The following SLC45A4 variants were observed in gnomAD, a reference collection of about 807,000 sequenced individuals.
SLC45A4 encodes the protein solute carrier family 45 member 4, also known as polyamine-transporter SLC45A4.
Under a neutral mutation model 63.7 loss-of-function variants are expected in SLC45A4, and 32 were observed. The observed-to-expected ratio is 0.50, with a 90% confidence interval of 0.38 to 0.67. The LOEUF (loss-of-function observed/expected upper bound fraction) is 0.67. Ranked by LOEUF, SLC45A4 falls within the 30% of genes least tolerant of loss-of-function variation. The pLI is 0.00. For missense variants in SLC45A4, 1,027 were observed against 1,157.7 expected (o/e 0.89, Z 1.64); for synonymous variants, 535 against 510.0 (o/e 1.05, Z -0.66).
At chr8:141,265,339 C>T (rs1563658686) in intron 1 of SLC45A4, among the ~76,000 whole-genome samples, 1 of 152,184 alleles carries the variant, frequency 6.6e-6, no homozygotes, top group Admixed American at 6.5e-5. Context: ...ATCTCTAGGG[C>T]CTCACAAGAA....
In SLC45A4 at chr8:141,227,795, C is replaced by T. The variant is rs897106541; in HGVS notation, c.242-6030G>A. On this transcript the variant is annotated intron_variant, in intron 2 of 8. Coordinates refer to ENST00000517878, the MANE Select transcript of SLC45A4 (RefSeq NM_001286646.2). The surrounding 1 kb of genome is among the most constrained non-coding windows in gnomAD (Gnocchi z 4.4). ...GCAAGCTCAGGTGCTTTTCCTGAGC[C>T]TACTACAAACCGGCCCGTCATTTAG... is the stretch of plus-strand genomic sequence containing the variant. Among the ~76,000 whole-genome samples the T allele has an allele frequency of 1.3e-5, 2 of 152,164 alleles. No individual in the cohort carries two copies. Among genetic ancestry groups the T allele is most frequent in the Admixed American group, 1.3e-4 (2 of 15,276 alleles).
At chr8:141,266,842 G>C (rs1389830009) in intron 1 of SLC45A4, among the ~76,000 whole-genome samples, 1 of 152,212 alleles carries the variant, frequency 6.6e-6, no homozygotes, top group Non-Finnish European at 1.5e-5. Context: ...GATCTAACAA[G>C]AGGGCCCAGA....
intron 1 of SLC45A4, among the ~76,000 whole-genome samples, chr8:141,290,969 C>T (rs1405464828): frequency 6.6e-6 from 1 of 152,236 alleles, no homozygotes; most frequent in Non-Finnish European, 1.5e-5. Context: ...CTGCCTCAGC[C>T]TTCCAAGTAG....
intron 1 of SLC45A4, among the ~76,000 whole-genome samples, chr8:141,307,864 T>G (rs1830949033): frequency 7.6e-6 from 1 of 131,646 alleles, no homozygotes; most frequent in Non-Finnish European, 1.6e-5. Context: ...GCAGGTGCAA[T>G]CCGGAAAGAG....
rs536568993 is a variant in SLC45A4 at position 141,263,325 on chromosome 8, G to T, written c.-400-8696C>A. Among the ~76,000 whole-genome samples, 26 of 150,716 alleles carry T rather than the reference G, an allele frequency of 1.7e-4. No homozygotes were observed. The South Asian group carries it at 5.0e-3, about 29-fold the overall frequency. ...CACATGTATACATATGTAACTAACC[G>T]GCACATTGTGCACATGTACCCTAAA... On this transcript the variant is annotated intron_variant, in intron 1 of 8. Coordinates refer to ENST00000517878, the MANE Select transcript of SLC45A4 (RefSeq NM_001286646.2).
chr8:141,212,789 C>CT (rs978835334), intron 7 of SLC45A4, among the ~76,000 whole-genome samples: 34 of 152,210 alleles, frequency 2.2e-4, no homozygotes, highest in Non-Finnish European at 8.8e-5. Flanking sequence ...GGAAGCAACT[C>CT]TGTCAATCCA....
chr8:141,222,259 C>T (rs1037764554), intron 2 of SLC45A4, among the ~76,000 whole-genome samples: 1 of 152,246 alleles, frequency 6.6e-6, no homozygotes, highest in African/African-American at 2.4e-5. Context: ...GGGCCCACGA[C>T]TTCTAGACCT....
chr8:141,241,355 G>C, intron 2 of SLC45A4, among the ~76,000 whole-genome samples: 1 of 152,196 alleles, frequency 6.6e-6, no homozygotes, highest in Middle Eastern at 3.4e-3. Context: ...CGAGGTCCAA[G>C]GACGCTTGCC....
At chr8:141,295,439 A>G (rs1317866705) in intron 1 of SLC45A4, among the ~76,000 whole-genome samples, 1 of 152,210 alleles carries the variant, frequency 6.6e-6, no homozygotes, top group Non-Finnish European at 1.5e-5. Context: ...TAAAATGGAG[A>G]TAACAGCGCA....
intron 1 of SLC45A4, among the ~76,000 whole-genome samples, chr8:141,298,951 T>C (rs1447469964): frequency 2.6e-5 from 4 of 152,152 alleles, no homozygotes; most frequent in Non-Finnish European, 5.9e-5. Context: ...GGCCCACAAC[T>C]GCACTAGGCC....
intron 1 of SLC45A4, among the ~76,000 whole-genome samples, chr8:141,301,518 G>A (rs116706410): frequency 6.6e-6 from 1 of 152,116 alleles, no homozygotes; most frequent in African/African-American, 2.4e-5. Context: ...TGAGGCAGGA[G>A]GGAGGGTCGC....
In SLC45A4 at chr8:141,229,810, A is replaced by T. The variant is rs1187591258; in HGVS notation, c.242-8045T>A. 6.6e-6 allele frequency among the ~76,000 whole-genome samples: 1 copy of T among 151,822 alleles called. No homozygotes were observed. Among genetic ancestry groups the T allele is most frequent in the Non-Finnish European group, 1.5e-5 (1 of 67,980 alleles). The stretch of plus-strand genomic sequence containing the variant: ...ATGCTCGGCTCTGAGCTTGCAGCCC[A>T]CCCCACTCTGGCTGCGGGACTTTGG... On this transcript the variant is annotated intron_variant, in intron 2 of 8. Coordinates refer to ENST00000517878, the MANE Select transcript of SLC45A4 (RefSeq NM_001286646.2). The surrounding 1 kb of genome is among the most constrained non-coding windows in gnomAD (Gnocchi z 5.0).
intron 1 of SLC45A4, among the ~76,000 whole-genome samples, chr8:141,296,836 CAAAAA>C (rs34267017): frequency 1.3e-5 from 1 of 77,276 alleles, no homozygotes; most frequent in Non-Finnish European, 2.2e-5. Context: ...ACTCCATTGC[CAAAAA>C]AAAAAAAAAA....
At position 141,276,433 on chromosome 8, in the gene SLC45A4, G is replaced by C. The variant is rs564450326; in HGVS notation, c.-400-21804C>G. Among the ~76,000 whole-genome samples, 33 of 152,322 alleles carry C rather than the reference G, an allele frequency of 2.2e-4. 1 individual carries two copies. In the East Asian group the frequency reaches 4.4e-3, roughly 20 times the overall value. ...TCTGAAAAGCTGACTGCACTGAGGT[G>C]CTAGTGGGTCCAGCTATTTGGTACG... On this transcript the variant is annotated intron_variant, in intron 1 of 8. Transcript: ENST00000517878.
At chr8:141,243,661 T>C (rs1160253883) in intron 2 of SLC45A4, among the ~76,000 whole-genome samples, 4 of 151,998 alleles carry the variant, frequency 2.6e-5, no homozygotes, top group Non-Finnish European at 1.5e-5. Context: ...TAAAATACAG[T>C]TGACCCTTGA....
intron 1 of SLC45A4, among the ~76,000 whole-genome samples, chr8:141,292,077 A>G (rs1417095098): frequency 2.0e-5 from 3 of 152,232 alleles, no homozygotes; most frequent in Non-Finnish European, 4.4e-5. Flanking sequence ...TAGGTATCAC[A>G]GCACAGAGAA....
At chr8:141,273,087 A>C (rs1322181773) in intron 1 of SLC45A4, among the ~76,000 whole-genome samples, 1 of 152,258 alleles carries the variant, frequency 6.6e-6, no homozygotes, top group Non-Finnish European at 1.5e-5. Flanking sequence ...ATTTAAGAGG[A>C]AATCACATGA....
intron 2 of SLC45A4, among the ~76,000 whole-genome samples, chr8:141,246,580 T>C (rs1828210297): frequency 6.6e-6 from 1 of 152,292 alleles, no homozygotes; most frequent in South Asian, 2.1e-4. Flanking sequence ...TGCTGCCATA[T>C]TCTATTGGTT....
rs117249256 is a variant in SLC45A4 at position 141,245,258 on chromosome 8, G to A, written c.241+8731C>T. 4.3e-4 allele frequency among the ~76,000 whole-genome samples: 66 copies of A among 152,292 alleles called. 1 individual carries two copies. The East Asian group carries it at 9.7e-3, about 22-fold the overall frequency. On this transcript the variant is annotated intron_variant, in intron 2 of 8. Transcript: ENST00000517878. ...AAGGCTACACACTTGGAACATGGTCGATTTTTGGATTCTCCAAGAGGAGCC... is the reference window on the plus strand; with the variant it reads ...AAGGCTACACACTTGGAACATGGTCAATTTTTGGATTCTCCAAGAGGAGCC...
Sources: allele counts gnomAD v4.1 joint callset (sites outside exome capture counted in the v4.1 genomes callset), GRCh38; gene constraint gnomAD v4.1.1; non-coding constraint Gnocchi (gnomAD v3.1); transcripts MANE v1.5; gene names NCBI Gene and HGNC (gene_info 2026-07-23, HGNC 2026-07-21).